NUDT13: variants seen among roughly 807,000 people sequenced by gnomAD.
NUDT13 encodes NAD(P)H pyrophosphatase NUDT13, mitochondrial.
Under a neutral mutation model 41.7 loss-of-function variants are expected in NUDT13, and 40 were observed. The ratio of observed to expected loss-of-function variants is 0.96; its 90% CI spans 0.75 to 1.25. The LOEUF is 1.25. Among genes scored for constraint, NUDT13 ranks in the 50% most tolerant of loss-of-function variants. The pLI is 0.00. For missense variants in NUDT13, 390 were observed against 416.1 expected (o/e 0.94, Z 0.55); for synonymous variants, 145 against 155.5 (o/e 0.93, Z 0.50).
rs1201387956 is a variant in NUDT13, at chr10:73,122,220, T to G, written c.269T>G (p.Ile90Arg). The G allele has an allele frequency of 2.5e-6, 4 of 1,614,028 alleles. No individual in the cohort carries two copies. Among genetic ancestry groups the G allele is most frequent in the Non-Finnish European group, 3.4e-6 (4 of 1,180,004 alleles). The change falls in exon 4 of 9, where the codon ATA becomes AGA. Residue 90 changes from isoleucine (I) to arginine (R), a missense_variant. By Grantham distance (97) the Ile-to-Arg change is moderately conservative. Coordinates refer to ENST00000357321, the MANE Select transcript of NUDT13 (RefSeq NM_015901.6). ...LGKFGQDAQR[I>R]EDSVLIGCSE... is the part of the protein sequence containing the mutation. Reference sequence around the variant, plus strand: ...AAATTTGGACAGGATGCACAAAGAATAGAAGATTCTGTGCTGATTGGATGC... The same window carrying G: ...AAATTTGGACAGGATGCACAAAGAAGAGAAGATTCTGTGCTGATTGGATGC...
At chr10:73,114,494 T>A in intron 2 of NUDT13, 46 bp downstream of exon 2, 3 of 957,754 alleles carry the variant, frequency 3.1e-6, no homozygotes, top group Non-Finnish European at 4.8e-6. Context: ...TTTGGCCCAT[T>A]AAACTATTGT....
intron 2 of NUDT13, 71 bp downstream of exon 2, chr10:73,114,519 A>C: frequency 1.6e-6 from 1 of 625,044 alleles, no homozygotes. Flanking sequence ...TTATGATTTT[A>C]TATATATATT....
chr10:73,123,919 A>G (rs1252364089), intron 4 of NUDT13, among the ~76,000 whole-genome samples: 1 of 152,128 alleles, frequency 6.6e-6, no homozygotes, highest in Non-Finnish European at 1.5e-5. Flanking sequence ...TCGGCCTCCC[A>G]AAGTGCCGTA....
intron 2 of NUDT13, among the ~76,000 whole-genome samples, chr10:73,118,098 G>T (rs137937650): frequency 6.6e-6 from 1 of 152,126 alleles, no homozygotes; most frequent in South Asian, 2.1e-4. Flanking sequence ...GTTCTTTTAC[G>T]AAGGCAGCAG....
rs1842747992 is a variant in NUDT13 at position 73,125,459 on chromosome 10, G to T, written c.653G>T (p.Ser218Ile). The change falls in exon 7 of 9, where the codon AGC (serine) becomes ATC (isoleucine). Residue 218 changes from serine to isoleucine, a missense_variant. Transcript: ENST00000357321. Reference sequence around the variant, plus strand: ...ACCCGATGCCTGCTTGCCCGCCAAAGCTCCTTTCCCAAGGGAATGTATTCT... The same window carrying T: ...ACCCGATGCCTGCTTGCCCGCCAAATCTCCTTTCCCAAGGGAATGTATTCT... Reference protein sequence around the residue: ...DGTRCLLARQSSFPKGMYSAL... With the variant: ...DGTRCLLARQISFPKGMYSAL... 1 of 1,612,282 alleles carries T rather than the reference G, an allele frequency of 6.2e-7. No individual in the cohort carries two copies. Among genetic ancestry groups the T allele is most frequent in the Admixed American group, 1.7e-5 (1 of 59,778 alleles).
chr10:73,130,887 C>A lies in NUDT13; in HGVS notation c.1043C>A (p.Ser348Tyr). The change falls in exon 9 of 9, where the codon TCT (serine) becomes TAT (tyrosine). Residue 348 changes from serine to tyrosine, a missense_variant. Coordinates refer to ENST00000357321, the MANE Select transcript of NUDT13 (RefSeq NM_015901.6). ...IKEWVEKQTCSSLPA is the reference protein window; with the variant it reads ...IKEWVEKQTCYSLPA ...GAGTGGGTGGAAAAACAGACCTGTT[C>A]TTCCCTGCCTGCTTAGCCCGGATCA... 6.2e-7 allele frequency: 1 copy of A among 1,613,384 alleles called. No individual in the cohort carries two copies. Among genetic ancestry groups the A allele is most frequent in the South Asian group, 1.1e-5 (1 of 90,986 alleles).
At chr10:73,123,338 G>A (rs1016648908) in intron 4 of NUDT13, among the ~76,000 whole-genome samples, 52 of 152,290 alleles carry the variant, frequency 3.4e-4, no homozygotes, top group African/African-American at 1.3e-3. Flanking sequence ...GAACCACTTT[G>A]CTATTGGCTC....
At chr10:73,116,915 C>A in intron 2 of NUDT13, among the ~76,000 whole-genome samples, 1 of 90,134 alleles carries the variant, frequency 1.1e-5, no homozygotes, top group Non-Finnish European at 1.9e-5. Context: ...GAGATGGAGT[C>A]TTGCTCTGTT....
chr10:73,126,944 G>T (rs1842802428), intron 8 of NUDT13, 117 bp downstream of exon 8: 1 of 916,756 alleles, frequency 1.1e-6, no homozygotes, highest in Admixed American at 2.1e-5. Flanking sequence ...ACATAAACAT[G>T]TGTAAAATAT....
At chr10:73,122,886 C>G (rs1376471985) in intron 4 of NUDT13, among the ~76,000 whole-genome samples, 1 of 146,178 alleles carries the variant, frequency 6.8e-6, no homozygotes, top group Non-Finnish European at 1.5e-5. Flanking sequence ...CTGGCCTATA[C>G]ATTTTGTATA....
chr10:73,113,301 A>G (rs1265346018), intron 1 of NUDT13, among the ~76,000 whole-genome samples: 1 of 152,230 alleles, frequency 6.6e-6, no homozygotes, highest in Non-Finnish European at 1.5e-5. Context: ...ATTGCTGAGG[A>G]AAAAGAGAGG....
chr10:73,119,952 A>C, intron 2 of NUDT13, 66 bp from the exon 3 acceptor site: 1 of 1,469,578 alleles, frequency 6.8e-7, no homozygotes, highest in Non-Finnish European at 9.5e-7. Context: ...CAGCATTCTC[A>C]AAGATGAATG....
chr10:73,117,340 TG>T (rs1431854287), intron 2 of NUDT13, among the ~76,000 whole-genome samples: 1 of 151,768 alleles, frequency 6.6e-6, no homozygotes, highest in Non-Finnish European at 1.5e-5. Context: ...GTGGATCACC[TG>T]AGGTCAGGAG....
At chr10:73,118,954 AGAGT>A (rs1842576813) in intron 2 of NUDT13, among the ~76,000 whole-genome samples, 2 of 152,064 alleles carry the variant, frequency 1.3e-5, no homozygotes, top group African/African-American at 4.8e-5. Context: ...CCTGGGTGAC[AGAGT>A]GAGACTCTGT....
At chr10:73,110,780 C>A (rs1356911498) in intron 1 of NUDT13, among the ~76,000 whole-genome samples, 1 of 152,138 alleles carries the variant, frequency 6.6e-6, no homozygotes, top group Admixed American at 6.5e-5. Flanking sequence ...TTTTCTGATA[C>A]TTTTTTGGAG....
chr10:73,117,959 G>A lies in NUDT13; in HGVS notation c.84-2059G>A, dbSNP rs1456817442. Among the ~76,000 whole-genome samples the A allele has an allele frequency of 2.6e-5, 4 of 152,366 alleles. No homozygotes were observed. In the East Asian group the frequency reaches 5.8e-4, roughly 22 times the overall value. ...ATAAGAGTTCCCAATCCAGAGGAGT[G>A]TAAGGAACTTTTGGATCTCAATTCC... On this transcript the variant is annotated intron_variant, in intron 2 of 8. Transcript: ENST00000357321.
intron 4 of NUDT13, among the ~76,000 whole-genome samples, chr10:73,123,727 C>T (rs963765671): frequency 2.6e-5 from 4 of 152,026 alleles, no homozygotes; most frequent in African/African-American, 4.8e-5. Context: ...ATGGTGCGAT[C>T]GGTTCACTGC....
chr10:73,111,114 C>A (rs1842355332), intron 1 of NUDT13, among the ~76,000 whole-genome samples: 1 of 151,996 alleles, frequency 6.6e-6, no homozygotes, highest in Non-Finnish European at 1.5e-5. Flanking sequence ...GTAGCTGGGA[C>A]TACAGGCGCC....
rs751680148 is a variant in NUDT13 at position 73,124,274 on chromosome 10, A to C, written c.419A>C (p.Lys140Thr). The change falls in exon 5 of 9, where the codon AAG (lysine) becomes ACG (threonine). Residue 140 changes from lysine (K) to threonine (T), a missense_variant. By Grantham distance (78) the Lys-to-Thr change is moderately conservative. Coordinates refer to ENST00000357321, the MANE Select transcript of NUDT13 (RefSeq NM_015901.6). The stretch of plus-strand genomic sequence containing the variant: ...AAGGGGTCTTTCATTGAGCTGAGAA[A>C]GGCACTCTTTCAACTCAATGCAAGG... ...ELKGSFIELR[K>T]ALFQLNARDA... 1.9e-6 allele frequency: 3 copies of C among 1,613,494 alleles called. No individual in the cohort carries two copies. The Admixed American group carries it at 5.0e-5, about 27-fold the overall frequency.
Sources: gnomAD v4.1 joint callset for allele counts (sites outside exome capture counted in the v4.1 genomes callset) on GRCh38, gnomAD v4.1.1 for gene constraint, MANE v1.5 for transcripts, NCBI Gene and HGNC (gene_info 2026-07-23, HGNC 2026-07-21) for gene names.